Variants in OS9 observed in about 807,000 individuals in gnomAD.
The protein encoded by OS9 is OS9 endoplasmic reticulum lectin.
OS9 carries 58 observed loss-of-function variants against 84.7 expected under a neutral mutation model. The ratio of observed to expected loss-of-function variants is 0.68; its 90% CI spans 0.55 to 0.85. The LOEUF is 0.85. Ranked by LOEUF, OS9 falls within the 40% of genes least tolerant of loss-of-function variation. The pLI is 0.00. For synonymous variants in OS9, 278 were observed against 320.8 expected (o/e 0.87, Z 1.43); for missense variants, 760 against 850.9 (o/e 0.89, Z 1.33).
rs760183679 is a variant in OS9, at chr12:57,719,029, G to A, written c.1447G>A (p.Glu483Lys). The change falls in exon 12 of 15, where the codon GAG (glutamate) becomes AAG (lysine). Residue 483 changes from glutamate to lysine, a missense_variant. Coordinates refer to ENST00000315970, the MANE Select transcript of OS9 (RefSeq NM_006812.4). ...GCTGGACCCAGATGGGCTGAAGAAG[G>A]AGTCAGAGCGGGATCGGGCAATGCT... is the stretch of plus-strand genomic sequence containing the variant. ...KELDPDGLKKESERDRAMLAL... is the reference protein window; with the variant it reads ...KELDPDGLKKKSERDRAMLAL... 77 of 1,613,874 alleles carry A rather than the reference G, an allele frequency of 4.8e-5. 1 individual carries two copies. In the Admixed American group the frequency reaches 1.2e-3, roughly 25 times the overall value.
At chr12:57,710,433 T>C (rs969527725) in intron 5 of OS9, among the ~76,000 whole-genome samples, 3 of 152,188 alleles carry the variant, frequency 2.0e-5, no homozygotes, top group Non-Finnish European at 4.4e-5. Context: ...ACTAGTTTTT[T>C]CAAAGAAACA....
intron 5 of OS9, 87 bp downstream of exon 5, chr12:57,696,460 GGGC>G (rs775435688): frequency 0.15 from 41,557 of 284,912 alleles, 6,493 homozygotes; most frequent in Non-Finnish European, 0.2. Context: ...GTCGGGGCGG[GGGC>G]GGGGGGGGTC....
chr12:57,705,372 TTTAA>T (rs1182927007), intron 5 of OS9, among the ~76,000 whole-genome samples: 5 of 152,340 alleles, frequency 3.3e-5, no homozygotes, highest in East Asian at 1.9e-4. Context: ...TTAGTAAAGC[TTTAA>T]TTTTCTCTAA....
At chr12:57,717,665 C>T (rs1244986065) in intron 9 of OS9, among the ~76,000 whole-genome samples, 3 of 151,304 alleles carry the variant, frequency 2.0e-5, no homozygotes, top group East Asian at 1.9e-4. Flanking sequence ...TGGTGGCAGG[C>T]GCCTGTAATC....
At chr12:57,706,240 A>T (rs906118569) in intron 5 of OS9, among the ~76,000 whole-genome samples, 1 of 152,086 alleles carries the variant, frequency 6.6e-6, no homozygotes, top group African/African-American at 2.4e-5. Context: ...ACACATGCTT[A>T]TTCTGTGTCT....
chr12:57,696,412 A>AC, intron 5 of OS9, 39 bp downstream of exon 5: 1 of 904,920 alleles, frequency 1.1e-6, no homozygotes, highest in Non-Finnish European at 1.6e-6. Context: ...TCCCACAGGG[A>AC]CAGTTCAGAT....
At chr12:57,695,566 G>T (rs1216304176) in intron 2 of OS9, 1 of 701,884 alleles carries the variant, frequency 1.4e-6, no homozygotes. Context: ...GACCACAAGT[G>T]GAAAACAGAC....
intron 5 of OS9, among the ~76,000 whole-genome samples, chr12:57,706,447 G>A (rs540046955): frequency 1.1e-4 from 17 of 151,180 alleles, no homozygotes; most frequent in African/African-American, 4.1e-4. Flanking sequence ...TTCTCTTCTT[G>A]TACTTACCTT....
chr12:57,718,896 T>G, intron 11 of OS9, 97 bp from the exon 12 acceptor site: 1 of 872,172 alleles, frequency 1.1e-6, no homozygotes, highest in Non-Finnish European at 1.8e-6. Context: ...TAAGCAAAAC[T>G]CCATTTCAAA....
rs140735037 is a variant in OS9 at position 57,695,921 on chromosome 12, C to T, written c.404-41C>T. On this transcript the variant is annotated intron_variant, in intron 3 of 14. Transcript: ENST00000315970. ...CCCCAGTTCCCTCCTCCTCCTCCTC[C>T]TCTTAAGAGTAACAGTGCTTCACTG... 8.8e-4 allele frequency: 1,377 copies of T among 1,570,238 alleles called. 8 individuals are homozygous for T. The East Asian group carries it at 0.019, about 22-fold the overall frequency.
Position 57,718,372 on chromosome 12 carries a change from C to T in OS9, c.1361C>T (p.Ser454Leu), listed in dbSNP as rs34764811. ...CCGTCAGACCGAGACCGGCTCCGTTCGGAGGTGAAGGCTGGCATGGAGCGG... is the reference window on the plus strand; with the variant it reads ...CCGTCAGACCGAGACCGGCTCCGTTTGGAGGTGAAGGCTGGCATGGAGCGG... ...LLPSDRDRLR[S>L]EVKAGMEREL... Residue 454 changes from serine (S) to leucine (L), a missense_variant, in exon 11 of 15, where the codon TCG (serine) becomes TTG (leucine). Transcript: ENST00000315970. 6,096 of 1,614,100 alleles carry T rather than the reference C, an allele frequency of 3.8e-3. 186 individuals carry two copies. In the African/African-American group the frequency reaches 0.071, roughly 19 times the overall value.
intron 2 of OS9, 176 bp from the exon 3 acceptor site, chr12:57,695,604 A>T (rs1161960117): frequency 1.4e-6 from 1 of 712,076 alleles, no homozygotes; most frequent in Non-Finnish European, 2.6e-6. Flanking sequence ...AAGTCACAGA[A>T]GGAAAGCAGC....
At chr12:57,701,280 T>C (rs2140299663) in intron 5 of OS9, among the ~76,000 whole-genome samples, 1 of 138,680 alleles carries the variant, frequency 7.2e-6, no homozygotes, top group Non-Finnish European at 1.5e-5. Flanking sequence ...TTTTTTTTTT[T>C]TTTTTTTTTT....
At chr12:57,701,731 T>G (rs1308610633) in intron 5 of OS9, among the ~76,000 whole-genome samples, 1 of 152,228 alleles carries the variant, frequency 6.6e-6, no homozygotes, top group South Asian at 2.1e-4. Context: ...GGGAAATACC[T>G]AGAAAGTAGA....
At chr12:57,712,583 C>T (rs775044049) in intron 5 of OS9, among the ~76,000 whole-genome samples, 15 of 152,138 alleles carry the variant, frequency 9.9e-5, no homozygotes, top group South Asian at 2.1e-4. Context: ...CAGGTGGTTT[C>T]TGTTGCCTGC....
chr12:57,712,128 T>C (rs1376853594), intron 5 of OS9, among the ~76,000 whole-genome samples: 1 of 152,236 alleles, frequency 6.6e-6, no homozygotes, highest in East Asian at 1.9e-4. Context: ...ATTTTTGTCC[T>C]AGTCTGTAGT....
At position 57,718,984 on chromosome 12, in the gene OS9, G is replaced by A; in HGVS notation, c.1411-9G>A. The A allele has an allele frequency of 6.2e-7, 1 of 1,609,494 alleles. No individual in the cohort carries two copies. Among genetic ancestry groups the A allele is most frequent in the South Asian group, 1.1e-5 (1 of 90,872 alleles). ...CCCTTGACTCACTCTCTTCTCTTGG[G>A]TATTCCAGACAGAGAAAGAGCTGGA... On this transcript the variant is annotated splice_polypyrimidine_tract_variant and intron_variant, in intron 11 of 14. Coordinates refer to ENST00000315970, the MANE Select transcript of OS9 (RefSeq NM_006812.4).
intron 12 of OS9, chr12:57,719,506 G>A: frequency 3.4e-6 from 1 of 297,746 alleles, no homozygotes; most frequent in Non-Finnish European, 6.3e-6. Flanking sequence ...GAGTCTATAT[G>A]CTGAAAACCA....
In OS9 at chr12:57,696,465, G is replaced by T. The variant is rs896665738; in HGVS notation, c.579+92G>T. On this transcript the variant is annotated intron_variant, in intron 5 of 14. Coordinates refer to ENST00000315970, the MANE Select transcript of OS9 (RefSeq NM_006812.4). ...GCATCTTATAGTCGGGGCGGGGGCG[G>T]GGGGGGTCCCCTCCCAGACCCTAAA... 43 of 529,752 alleles carry T rather than the reference G, an allele frequency of 8.1e-5. 5 individuals are homozygous for T. The highest frequency in any genetic ancestry group is 4.7e-5 in the Non-Finnish European group (14 of 300,242). 32.8% of individuals were successfully genotyped at this position (529,752 alleles called of 1,614,324 possible).
Sources: gnomAD v4.1 joint callset for allele counts (sites outside exome capture counted in the v4.1 genomes callset) on GRCh38, gnomAD v4.1.1 for gene constraint, MANE v1.5 for transcripts, NCBI Gene and HGNC (gene_info 2026-07-23, HGNC 2026-07-21) for gene names.